Variants in PIGN observed in about 807,000 individuals in gnomAD.
PIGN encodes phosphatidylinositol glycan anchor biosynthesis class N, also known as GPI ethanolamine phosphate transferase 1.
PIGN carries 117 observed loss-of-function variants against 125.4 expected under a neutral mutation model. The observed-to-expected ratio is 0.93, with a 90% CI of 0.80 to 1.09. PIGN has a LOEUF of 1.09. Among genes scored for constraint, PIGN ranks in the 50% least tolerant of loss-of-function variants. The probability of loss-of-function intolerance (pLI) is 0.00; values close to 1 mark genes in which losing one functional copy is unlikely to be tolerated. For missense variants in PIGN, 1,075 were observed against 1,094.9 expected, an observed-to-expected ratio of 0.98 and a Z score of 0.26; for synonymous variants, 392 against 377.8, an observed-to-expected ratio of 1.04 and a Z score of -0.44.
At chr18:62,052,001 G>A (rs2031339497) in intron 30 of PIGN, 1 of 152,314 alleles carries the variant, frequency 6.6e-6, no homozygotes, top group South Asian at 2.1e-4. Flanking sequence ...TTTCCATGTA[G>A]TTGAGTGGTT....
intron 25 of PIGN, among the ~76,000 whole-genome samples, chr18:62,086,389 C>T (rs1307692592): frequency 2.0e-5 from 3 of 152,012 alleles, no homozygotes; most frequent in South Asian, 2.1e-4. Flanking sequence ...GAGGCTGAGG[C>T]GGGCAGACCA....
At chr18:62,054,605 C>T (rs1910278037) in intron 30 of PIGN, among the ~76,000 whole-genome samples, 4 of 151,184 alleles carry the variant, frequency 2.6e-5, no homozygotes, top group Admixed American at 2.6e-4. Flanking sequence ...TGATCCTCCA[C>T]CTCAGCCTCC....
At chr18:62,055,561 T>C (rs960850506) in intron 30 of PIGN, among the ~76,000 whole-genome samples, 3 of 152,294 alleles carry the variant, frequency 2.0e-5, no homozygotes, top group Admixed American at 6.5e-5. Flanking sequence ...GGTAGAAATG[T>C]TCTGTCTTTT....
chr18:62,094,929 G>C (rs557820507), intron 23 of PIGN, among the ~76,000 whole-genome samples: 1 of 152,154 alleles, frequency 6.6e-6, no homozygotes, highest in Admixed American at 6.5e-5. Flanking sequence ...CACTTAGGGT[G>C]TTAGAGTCTA....
At chr18:62,090,627 A>G in intron 23 of PIGN, 49 bp from the exon 24 acceptor site, 1 of 1,074,922 alleles carries the variant, frequency 9.3e-7, no homozygotes, top group Non-Finnish European at 1.4e-6. Context: ...CAGTAAAATA[A>G]GTAAAAATGC....
chr18:62,051,910 C>T (rs1278014377), intron 30 of PIGN: 1 of 151,928 alleles, frequency 6.6e-6, no homozygotes, highest in African/African-American at 2.4e-5. Context: ...TGTCTTTGTT[C>T]TCATTGGTTT....
At chr18:62,074,909 A>ATTTG in intron 28 of PIGN, 88 bp from the exon 29 acceptor site, 2 of 827,206 alleles carry the variant, frequency 2.4e-6, no homozygotes, top group Non-Finnish European at 4.0e-6. Flanking sequence ...TAGGCAAATA[A>ATTTG]CCTAGTATTG....
rs930278834 is a variant in PIGN, at chr18:62,051,445, G to A, written c.2673-5466C>T. Reference sequence around the variant, plus strand: ...TTAGTCTTGGGAGGGTGTATGTGTCGAGGAATTTATCCATTTCTTCTAGAT... The same window carrying A: ...TTAGTCTTGGGAGGGTGTATGTGTCAAGGAATTTATCCATTTCTTCTAGAT... On this transcript the variant is annotated intron_variant, in intron 30 of 30. Coordinates refer to ENST00000640252, the MANE Select transcript of PIGN (RefSeq NM_176787.5). Among the ~76,000 whole-genome samples the A allele has an allele frequency of 1.7e-3, 251 of 152,106 alleles. 1 individual carries two copies. The highest frequency in any genetic ancestry group is 5.4e-3 in the African/African-American group (226 of 41,528).
chr18:62,052,274 G>A (rs1403844428), intron 30 of PIGN: 5 of 151,484 alleles, frequency 3.3e-5, no homozygotes, highest in African/African-American at 4.9e-5. Context: ...TTTCTGTCTC[G>A]TTGATCTGTC....
chr18:62,053,235 C>T (rs2031459245), intron 30 of PIGN, among the ~76,000 whole-genome samples: 1 of 152,110 alleles, frequency 6.6e-6, no homozygotes, highest in Non-Finnish European at 1.5e-5. Flanking sequence ...GGTAAAATGA[C>T]ATCACCAGTA....
chr18:62,026,786 G>A (rs1478290218), intron 23 of PIGN, among the ~76,000 whole-genome samples: 1 of 152,208 alleles, frequency 6.6e-6, no homozygotes, highest in Non-Finnish European at 1.5e-5. Flanking sequence ...AAGTTCCCAG[G>A]GAAGTAGGAA....
At chr18:62,060,903 G>C (rs2032083392) in intron 30 of PIGN, among the ~76,000 whole-genome samples, 1 of 152,124 alleles carries the variant, frequency 6.6e-6, no homozygotes, top group South Asian at 2.1e-4. Context: ...TAAAGTTTAT[G>C]ACCTGCTATA....
At position 62,045,563 on chromosome 18, in the gene PIGN, G is replaced by A. The variant is rs946351957; in HGVS notation, c.*293C>T. The A allele has an allele frequency of 3.3e-5, 8 of 241,786 alleles. No homozygotes were observed. The highest frequency in any genetic ancestry group is 5.1e-5 in the Admixed American group (1 of 19,544). The allele number at this position is 241,786 out of a possible 1,614,324, so 15.0% of individuals were successfully genotyped here. Reference sequence around the variant, plus strand: ...GCGACTGGGGACCAGATTGCTGCAGGTGCTCTCAACATCACTGGGAAGAGC... The same window carrying A: ...GCGACTGGGGACCAGATTGCTGCAGATGCTCTCAACATCACTGGGAAGAGC... On this transcript the variant is annotated 3_prime_UTR_variant, in exon 31 of 31. Transcript: ENST00000640252.
At chr18:62,110,876 T>C (rs1460380547) in intron 16 of PIGN, among the ~76,000 whole-genome samples, 1 of 147,356 alleles carries the variant, frequency 6.8e-6, no homozygotes, top group African/African-American at 2.5e-5. Context: ...TATATATAAA[T>C]ATGTATATAT....
At chr18:62,084,859 G>A (rs1403454677) in intron 26 of PIGN, among the ~76,000 whole-genome samples, 1 of 152,184 alleles carries the variant, frequency 6.6e-6, no homozygotes, top group Non-Finnish European at 1.5e-5. Flanking sequence ...TGTAATCCCA[G>A]CACTTTGGCA....
intron 28 of PIGN, among the ~76,000 whole-genome samples, chr18:62,077,990 A>C (rs934218189): frequency 1.3e-5 from 2 of 152,132 alleles, no homozygotes; most frequent in Non-Finnish European, 2.9e-5. Flanking sequence ...TTTTCCTCTT[A>C]TAAGGACATC....
chr18:62,168,486 C>G (rs1352553496), intron 1 of PIGN, among the ~76,000 whole-genome samples: 1 of 152,104 alleles, frequency 6.6e-6, no homozygotes, highest in Non-Finnish European at 1.5e-5. Context: ...CTGTATATAT[C>G]TGATCACATA....
At position 62,106,838 on chromosome 18, in the gene PIGN, G is replaced by GT. The variant is rs1555683948; in HGVS notation, c.1717dup (p.Thr573AsnfsTer72). ...GAGAAATGGCCAAGCTGCAAAGGCA[G>GT]TAAGTCCAGCGGTAAGCATATAGCG... On this transcript the variant is annotated frameshift_variant, in exon 19 of 31. Transcript: ENST00000640252. LOFTEE classifies it high-confidence loss of function. 1 of 1,609,668 alleles carries GT rather than the reference G, an allele frequency of 6.2e-7. No homozygotes were observed. Among genetic ancestry groups the GT allele is most frequent in the Non-Finnish European group, 8.5e-7 (1 of 1,177,964 alleles).
At chr18:62,152,152 G>T (rs1425473770) in intron 7 of PIGN, among the ~76,000 whole-genome samples, 1 of 152,092 alleles carries the variant, frequency 6.6e-6, no homozygotes, top group Non-Finnish European at 1.5e-5. Context: ...GTTGGCAATT[G>T]GTTGAGTTTC....
Sources: gnomAD v4.1 joint callset for allele counts (sites outside exome capture counted in the v4.1 genomes callset) on GRCh38, gnomAD v4.1.1 for gene constraint, MANE v1.5 for transcripts, NCBI Gene and HGNC (gene_info 2026-07-23, HGNC 2026-07-21) for gene names.